Variants in CST11 observed in about 807,000 individuals in gnomAD.
CST11 encodes cystatin-11.
A neutral mutation model predicts 14.0 loss-of-function variants in CST11; 13 were observed. The ratio of observed to expected loss-of-function variants is 0.93; its 90% CI spans 0.60 to 1.47. The LOEUF (loss-of-function observed/expected upper bound fraction) is 1.47, where lower values mean the gene tolerates loss of function less well. CST11 is among the 40% of genes most tolerant of loss of function. The probability of loss-of-function intolerance (pLI) is 0.00; values close to 1 mark genes in which losing one functional copy is unlikely to be tolerated. For synonymous variants in CST11, 64 were observed against 57.8 expected, an observed-to-expected ratio of 1.11 and a Z score of -0.48; for missense variants, 181 against 160.0, an observed-to-expected ratio of 1.13 and a Z score of -0.71.
chr20:23,450,526 T>C lies in CST11; in HGVS notation c.397A>G (p.Lys133Glu), dbSNP rs1987057025. Reference protein sequence around the residue: ...PWFEQYKILNKSCSSD With the variant: ...PWFEQYKILNESCSSD ...GACACCTAGTCACTGCTGCAGCTTT[T>C]GTTCAAAATTTTGTACTGTTCAAAC... Residue 133 changes from lysine (K) to glutamate (E), a missense_variant, in exon 3 of 3, where the codon AAA becomes GAA. Coordinates refer to ENST00000377009, the MANE Select transcript of CST11 (RefSeq NM_130794.2). 1 of 1,611,960 alleles carries C rather than the reference T, an allele frequency of 6.2e-7. No individual in the cohort carries two copies. Among genetic ancestry groups the C allele is most frequent in the Non-Finnish European group, 8.5e-7 (1 of 1,178,328 alleles).
intron 2 of CST11, among the ~76,000 whole-genome samples, chr20:23,450,965 C>G (rs1274110721): frequency 6.6e-6 from 1 of 151,130 alleles, no homozygotes; most frequent in Non-Finnish European, 1.5e-5. Flanking sequence ...TCTATTTATC[C>G]CTCCATTCAT....
At chr20:23,451,297 T>C (rs1328533475) in intron 2 of CST11, among the ~76,000 whole-genome samples, 3 of 151,812 alleles carry the variant, frequency 2.0e-5, no homozygotes, top group Admixed American at 6.6e-5. Flanking sequence ...TCGGGGGTGG[T>C]GGCTTCCCAG....
At chr20:23,452,070 T>C (rs1413580550) in intron 1 of CST11, 150 bp from the exon 2 acceptor site, 2 of 584,956 alleles carry the variant, frequency 3.4e-6, no homozygotes, top group Non-Finnish European at 6.1e-6. Context: ...ATTTGACTCA[T>C]GATTGTTTTT....
chr20:23,451,883 A>C lies in CST11; in HGVS notation c.266T>G (p.Met89Arg). 8 of 1,614,012 alleles carry C rather than the reference A, an allele frequency of 5.0e-6. No homozygotes were observed. The highest frequency in any genetic ancestry group is 6.8e-6 in the Non-Finnish European group (8 of 1,179,948). Residue 89 changes from methionine to arginine, a missense_variant, in exon 2 of 3, where the codon ATG (methionine) becomes AGG (arginine). Coordinates refer to ENST00000377009, the MANE Select transcript of CST11 (RefSeq NM_130794.2). ...TGGCTTTTGGCAGGTGGTCCACTGC[A>C]TTTCCACATTCAGGTGATACTCCAG... is the stretch of plus-strand genomic sequence containing the variant. ...DHLEYHLNVE[M>R]QWTTCQKPET...
rs748765306 is a variant in CST11 at position 23,451,924 on chromosome 20, T to TG, written c.229-5dup. The TG allele has an allele frequency of 8.7e-6, 14 of 1,611,682 alleles. No individual in the cohort carries two copies. In the African/African-American group the frequency reaches 1.9e-4, roughly 22 times the overall value. The stretch of plus-strand genomic sequence containing the variant: ...GATACTCCAGGTGGTCAGTGACCTG[T>TG]GGGCGCCAGGCGTGGGGGAGGCACA... On this transcript the variant is annotated splice_polypyrimidine_tract_variant and splice_region_variant and intron_variant, in intron 1 of 2. Coordinates refer to ENST00000377009, the MANE Select transcript of CST11 (RefSeq NM_130794.2).
rs537611679 is a variant in CST11 at position 23,451,974 on chromosome 20, C to T, written c.229-54G>A. 1.0e-3 allele frequency: 1,438 copies of T among 1,402,956 alleles called. 2 individuals are homozygous for T. The highest frequency in any genetic ancestry group is 1.2e-3 in the Non-Finnish European group (1,198 of 993,472). The allele number at this position is 1,402,956 out of a possible 1,614,324, so 86.9% of individuals were successfully genotyped here. On this transcript the variant is annotated intron_variant, in intron 1 of 2. Transcript: ENST00000377009. The stretch of plus-strand genomic sequence containing the variant: ...AGCTTGTCCCCTTCTCCCCTGTCTG[C>T]GGTTTCTGTGCCTGGGGGCTCCGCT...
rs758138699 is a variant in CST11 at position 23,451,921 on chromosome 20, C to A, written c.229-1G>T. ...GGTGATACTCCAGGTGGTCAGTGAC[C>A]TGTGGGCGCCAGGCGTGGGGGAGGC... On this transcript the variant is annotated splice_acceptor_variant, in intron 1 of 2. Coordinates refer to ENST00000377009, the MANE Select transcript of CST11 (RefSeq NM_130794.2). LOFTEE classifies it high-confidence loss of function. 2 of 1,612,464 alleles carry A rather than the reference C, an allele frequency of 1.2e-6. No homozygotes were observed. The highest frequency in any genetic ancestry group is 8.5e-7 in the Non-Finnish European group (1 of 1,178,658).
At position 23,451,932 on chromosome 20, in the gene CST11, A is replaced by G. The variant is rs775910071; in HGVS notation, c.229-12T>C. 1 of 1,603,002 alleles carries G rather than the reference A, an allele frequency of 6.2e-7. No individual in the cohort carries two copies. Among genetic ancestry groups the G allele is most frequent in the Non-Finnish European group, 8.5e-7 (1 of 1,170,502 alleles). On this transcript the variant is annotated splice_polypyrimidine_tract_variant and intron_variant, in intron 1 of 2. Coordinates refer to ENST00000377009, the MANE Select transcript of CST11 (RefSeq NM_130794.2). Reference sequence around the variant, plus strand: ...AGGTGGTCAGTGACCTGTGGGCGCCAGGCGTGGGGGAGGCACAGCTTGTCC... The same window carrying G: ...AGGTGGTCAGTGACCTGTGGGCGCCGGGCGTGGGGGAGGCACAGCTTGTCC...
rs1987057442 is a variant in CST11 at position 23,450,539 on chromosome 20, G to A, written c.384C>T (p.Tyr128=). The A allele has an allele frequency of 9.3e-6, 15 of 1,612,334 alleles. No homozygotes were observed. The highest frequency in any genetic ancestry group is 1.7e-4 in the Middle Eastern group (1 of 6,052). The change falls in exon 3 of 3, where the codon TAC becomes TAT. Residue 128 remains tyrosine, a synonymous_variant. Coordinates refer to ENST00000377009, the MANE Select transcript of CST11 (RefSeq NM_130794.2). ...TGCTGCAGCTTTTGTTCAAAATTTT[G>A]TACTGTTCAAACCAGGGTACAGCAA... is the stretch of plus-strand genomic sequence containing the variant. ...SVFAVPWFEQ[Y]KILNKSCSSD is the part of the protein sequence containing the mutation.
chr20:23,452,863 A>G lies in CST11; in HGVS notation c.-52T>C. ...GTGTTCTCTGTACTCCTCAGGGACA[A>G]GTCGAATCACACTGACCCTACCTGC... On this transcript the variant is annotated 5_prime_UTR_variant, in exon 1 of 3. Coordinates refer to ENST00000377009, the MANE Select transcript of CST11 (RefSeq NM_130794.2). 6.9e-7 allele frequency: 1 copy of G among 1,439,872 alleles called. No individual in the cohort carries two copies. Among genetic ancestry groups the G allele is most frequent in the East Asian group, 2.4e-5 (1 of 41,998 alleles). 89.2% of individuals were successfully genotyped at this position (1,439,872 alleles called of 1,614,324 possible).
chr20:23,452,869 A>G lies in CST11; in HGVS notation c.-58T>C. 2 of 1,377,174 alleles carry G rather than the reference A, an allele frequency of 1.5e-6. No homozygotes were observed. Among genetic ancestry groups the G allele is most frequent in the Non-Finnish European group, 2.0e-6 (2 of 986,910 alleles). The allele number at this position is 1,377,174 out of a possible 1,614,324, so 85.3% of individuals were successfully genotyped here. On this transcript the variant is annotated 5_prime_UTR_variant, in exon 1 of 3. Coordinates refer to ENST00000377009, the MANE Select transcript of CST11 (RefSeq NM_130794.2). ...TCTGTACTCCTCAGGGACAAGTCGA[A>G]TCACACTGACCCTACCTGCCCTGGC...
At chr20:23,451,639 G>A (rs1395597928) in intron 2 of CST11, among the ~76,000 whole-genome samples, 177 bp downstream of exon 2, 2 of 152,202 alleles carry the variant, frequency 1.3e-5, no homozygotes, top group Non-Finnish European at 2.9e-5. Flanking sequence ...CAAAGGAGCA[G>A]CATCTCGGCT....
At chr20:23,451,410 T>A (rs1987085348) in intron 2 of CST11, among the ~76,000 whole-genome samples, 2 of 152,176 alleles carry the variant, frequency 1.3e-5, no homozygotes, top group Non-Finnish European at 2.9e-5. Flanking sequence ...TGGATGAACA[T>A]GGCTGGATGA....
At chr20:23,452,037 A>G (rs1395484314) in intron 1 of CST11, 117 bp from the exon 2 acceptor site, 4 of 656,586 alleles carry the variant, frequency 6.1e-6, no homozygotes, top group African/African-American at 5.5e-5. Flanking sequence ...TCCTAGGCGG[A>G]TTAGCGGGCT....
Position 23,451,884 on chromosome 20 carries a change from T to C in CST11, c.265A>G (p.Met89Val), listed in dbSNP as rs371350578. The C allele has an allele frequency of 6.2e-7, 1 of 1,613,878 alleles. No homozygotes were observed. Among genetic ancestry groups the C allele is most frequent in the African/African-American group, 1.3e-5 (1 of 74,928 alleles). ...GGCTTTTGGCAGGTGGTCCACTGCATTTCCACATTCAGGTGATACTCCAGG... is the reference window on the plus strand; with the variant it reads ...GGCTTTTGGCAGGTGGTCCACTGCACTTCCACATTCAGGTGATACTCCAGG... ...DHLEYHLNVE[M>V]QWTTCQKPET... is the part of the protein sequence containing the mutation. Residue 89 changes from methionine to valine, a missense_variant, in exon 2 of 3, where the codon ATG (methionine) becomes GTG (valine). Physicochemically the swap from Met to Val is conservative, Grantham distance 21. Transcript: ENST00000377009.
intron 2 of CST11, 52 bp from the exon 3 acceptor site, chr20:23,450,641 AAGG>A: frequency 1.4e-6 from 2 of 1,388,424 alleles, no homozygotes; most frequent in Non-Finnish European, 2.0e-6. Flanking sequence ...TGAAATTTAA[AAGG>A]AGAAGGAAGA....
chr20:23,452,769 T>C lies in CST11; in HGVS notation c.43A>G (p.Ile15Val). 1 of 1,614,174 alleles carries C rather than the reference T, an allele frequency of 6.2e-7. No homozygotes were observed. The highest frequency in any genetic ancestry group is 1.3e-5 in the African/African-American group (1 of 75,040). Residue 15 changes from isoleucine to valine, a missense_variant, in exon 1 of 3, where the codon ATT becomes GTT. Transcript: ENST00000377009. ...GGGAGGGCCATCAGAGTCAATAGAA[T>C]GGCCAACAGGAGCTGTAGGGCCTGC... ...PWQALQLLLA[I>V]LLTLMALPYQ... is the part of the protein sequence containing the mutation.
chr20:23,451,957 C>T (rs2123327447), intron 1 of CST11, 37 bp from the exon 2 acceptor site: 2 of 1,495,920 alleles, frequency 1.3e-6, no homozygotes, highest in Non-Finnish European at 9.3e-7. Context: ...ACAGCTTGTC[C>T]CCTTCTCCCC....
At position 23,451,838 on chromosome 20, in the gene CST11, G is replaced by C; in HGVS notation, c.311C>G (p.Pro104Arg). 6.2e-7 allele frequency: 1 copy of C among 1,613,894 alleles called. No homozygotes were observed. The highest frequency in any genetic ancestry group is 8.5e-7 in the Non-Finnish European group (1 of 1,179,864). Residue 104 changes from proline to arginine, a missense_variant, in exon 2 of 3, where the codon CCC becomes CGC. Physicochemically the swap from Pro to Arg is moderately radical, Grantham distance 103. Coordinates refer to ENST00000377009, the MANE Select transcript of CST11 (RefSeq NM_130794.2). Reference protein sequence around the residue: ...CQKPETTNCVPQERELHKQVN... With the variant: ...CQKPETTNCVRQERELHKQVN... Reference sequence around the variant, plus strand: ...TACCTTGTGAAGCTCCCTTTCCTGGGGGACACAGTTCGTGGTCTCTGGCTT... The same window carrying C: ...TACCTTGTGAAGCTCCCTTTCCTGGCGGACACAGTTCGTGGTCTCTGGCTT...
Sources: allele counts gnomAD v4.1 joint callset (sites outside exome capture counted in the v4.1 genomes callset), GRCh38; gene constraint gnomAD v4.1.1; transcripts MANE v1.5; gene names NCBI Gene and HGNC (gene_info 2026-07-23, HGNC 2026-07-21).